GALNT2: variants seen among roughly 807,000 people sequenced by gnomAD.
GALNT2 encodes polypeptide N-acetylgalactosaminyltransferase 2.
Under a neutral mutation model 81.4 loss-of-function variants are expected in GALNT2, and 31 were observed. The observed-to-expected ratio is 0.38, with a 90% confidence interval of 0.29 to 0.51. The LOEUF (loss-of-function observed/expected upper bound fraction) is 0.51. GALNT2 is among the 20% of genes least tolerant of loss of function. GALNT2 has a pLI of 0.87. For missense variants in GALNT2, 629 were observed against 765.7 expected, an observed-to-expected ratio of 0.82 and a Z score of 2.11; for synonymous variants, 303 against 287.4, an observed-to-expected ratio of 1.05 and a Z score of -0.55.
intron 9 of GALNT2, 74 bp downstream of exon 9, chr1:230,249,345 C>A: frequency 1.5e-6 from 2 of 1,353,582 alleles, no homozygotes; most frequent in South Asian, 1.2e-5. Flanking sequence ...TGGGCCCGCA[C>A]CGCCTGGAGA....
intron 3 of GALNT2, among the ~76,000 whole-genome samples, chr1:230,222,012 T>C (rs1487441857): frequency 6.7e-6 from 1 of 148,944 alleles, no homozygotes; most frequent in Non-Finnish European, 1.5e-5. Flanking sequence ...GGATTTTATA[T>C]ACATTTCACT....
intron 1 of GALNT2, among the ~76,000 whole-genome samples, chr1:230,177,198 G>A (rs117896452): frequency 3.3e-5 from 5 of 152,330 alleles, no homozygotes; most frequent in East Asian, 3.9e-4. Context: ...CTCACTTTAC[G>A]TTTTAAGTAA....
intron 2 of GALNT2, among the ~76,000 whole-genome samples, chr1:230,194,623 A>T (rs1472220459): frequency 1.3e-5 from 2 of 152,230 alleles, no homozygotes; most frequent in Non-Finnish European, 2.9e-5. Flanking sequence ...CCAGCCCTTC[A>T]AATGGACTGG....
chr1:230,108,921 C>T (rs546962928), intron 1 of GALNT2, among the ~76,000 whole-genome samples: 23 of 143,312 alleles, frequency 1.6e-4, no homozygotes, highest in Admixed American at 1.4e-3. Flanking sequence ...ATATTGCTTT[C>T]GCACCATCGT....
At chr1:230,197,522 G>A (rs991528367) in intron 2 of GALNT2, among the ~76,000 whole-genome samples, 3 of 152,194 alleles carry the variant, frequency 2.0e-5, no homozygotes, top group African/African-American at 7.2e-5. Flanking sequence ...CTGGGTGAGG[G>A]CATAGGGGGT....
At chr1:230,272,109 A>C (rs1401098014) in intron 14 of GALNT2, among the ~76,000 whole-genome samples, 1 of 152,198 alleles carries the variant, frequency 6.6e-6, no homozygotes, top group East Asian at 1.9e-4. Flanking sequence ...TCAGGAAATG[A>C]CAAGGGTTTT....
intron 1 of GALNT2, chr1:230,058,145 C>T (rs1310820976): frequency 4.4e-6 from 2 of 455,664 alleles, no homozygotes. Flanking sequence ...GCGTCTTTAA[C>T]CATGAGTCTC....
Position 230,091,067 on chromosome 1 carries a change from G to GTTTC in GALNT2, c.126+23673_126+23676dup, listed in dbSNP as rs150413207. On this transcript the variant is annotated intron_variant, in intron 1 of 15. Coordinates refer to ENST00000366672, the MANE Select transcript of GALNT2 (RefSeq NM_004481.5). ...ACTCCGCAGACCTTTTCTTTTGTTT[G>GTTTC]TTTCTTTCTTTCTTTTTTTTTTTGA... Among the ~76,000 whole-genome samples, 525 of 107,822 alleles carry GTTTC rather than the reference G, an allele frequency of 4.9e-3. 3 individuals carry two copies. The highest frequency in any genetic ancestry group is 9.6e-3 in the Middle Eastern group (2 of 208). 70.7% of individuals were successfully genotyped at this position (107,822 alleles called of 152,430 possible). A position where few individuals can be genotyped will look rare whatever the true frequency, so the allele number is the denominator to read the frequency against.
intron 5 of GALNT2, 47 bp from the exon 6 acceptor site, chr1:230,236,613 T>A: frequency 3.2e-6 from 5 of 1,580,688 alleles, no homozygotes; most frequent in Non-Finnish European, 4.3e-6. Flanking sequence ...TGCAAAGCCC[T>A]TTATGAACTC....
rs116839403 is a variant in GALNT2, at chr1:230,217,178, A to T, written c.374+13888A>T. Reference sequence around the variant, plus strand: ...ATTAATTATGTGGTTTTTAAAAAGCATGTTAAATACAGAAGAGAAAAAAAA... The same window carrying T: ...ATTAATTATGTGGTTTTTAAAAAGCTTGTTAAATACAGAAGAGAAAAAAAA... On this transcript the variant is annotated intron_variant, in intron 3 of 15. Transcript: ENST00000366672. Among the ~76,000 whole-genome samples the T allele has an allele frequency of 5.7e-3, 868 of 152,106 alleles. 4 individuals carry two copies. The highest frequency in any genetic ancestry group is 8.5e-3 in the Non-Finnish European group (579 of 67,926).
At chr1:230,085,775 C>G (rs1659881322) in intron 1 of GALNT2, among the ~76,000 whole-genome samples, 1 of 152,216 alleles carries the variant, frequency 6.6e-6, no homozygotes, top group South Asian at 2.1e-4. Context: ...TCTGGAGCTC[C>G]TCCTGGCTGG....
At chr1:230,084,058 G>A (rs1273715370) in intron 1 of GALNT2, among the ~76,000 whole-genome samples, 1 of 152,186 alleles carries the variant, frequency 6.6e-6, no homozygotes, top group Non-Finnish European at 1.5e-5. Flanking sequence ...TGTCACTTTG[G>A]ACACCCGAGA....
chr1:230,118,380 A>G (rs1473503368), intron 1 of GALNT2, among the ~76,000 whole-genome samples: 1 of 152,258 alleles, frequency 6.6e-6, no homozygotes, highest in East Asian at 1.9e-4. Flanking sequence ...GAGTGCGCTC[A>G]CTGGACTGTA....
At chr1:230,255,173 C>T (rs765643787) in intron 10 of GALNT2, 45 bp from the exon 11 acceptor site, 13 of 1,613,376 alleles carry the variant, frequency 8.1e-6, no homozygotes, top group East Asian at 4.5e-5. Context: ...TGCAGAGGTG[C>T]GTCCCAGGCT....
At chr1:230,104,127 T>C (rs932191450) in intron 1 of GALNT2, among the ~76,000 whole-genome samples, 1 of 152,168 alleles carries the variant, frequency 6.6e-6, no homozygotes, top group African/African-American at 2.4e-5. Flanking sequence ...GCTTCTCTTA[T>C]GGTTCTCTCC....
At chr1:230,149,866 C>G (rs1662038695) in intron 1 of GALNT2, among the ~76,000 whole-genome samples, 1 of 152,146 alleles carries the variant, frequency 6.6e-6, no homozygotes, top group South Asian at 2.1e-4. Context: ...GCAGAGCCGT[C>G]TCTGGGCAGA....
intron 1 of GALNT2, among the ~76,000 whole-genome samples, chr1:230,123,568 C>A (rs1439494237): frequency 6.6e-6 from 1 of 152,146 alleles, no homozygotes; most frequent in African/African-American, 2.4e-5. Flanking sequence ...CCTCTGAGAG[C>A]CGACTCCACC....
At chr1:230,213,067 C>G (rs949760013) in intron 3 of GALNT2, among the ~76,000 whole-genome samples, 3 of 152,210 alleles carry the variant, frequency 2.0e-5, no homozygotes, top group African/African-American at 7.2e-5. Flanking sequence ...GCTCAGTTTC[C>G]CCATCTGTAA....
chr1:230,073,024 C>T (rs1659423797), intron 1 of GALNT2, among the ~76,000 whole-genome samples: 1 of 152,164 alleles, frequency 6.6e-6, no homozygotes, highest in Non-Finnish European at 1.5e-5. Context: ...TGTGGCCTTG[C>T]CTCTAGACTG....
Sources: allele counts gnomAD v4.1 joint callset (sites outside exome capture counted in the v4.1 genomes callset), GRCh38; gene constraint gnomAD v4.1.1; transcripts MANE v1.5; gene names NCBI Gene and HGNC (gene_info 2026-07-23, HGNC 2026-07-21).